The following UGT1A7 variants were observed in gnomAD, a reference collection of about 807,000 sequenced individuals.
UGT1A7 encodes the protein UDP-glucuronosyltransferase 1A7.
Under a neutral mutation model 45.6 loss-of-function variants are expected in UGT1A7, and 33 were observed. The ratio of observed to expected loss-of-function variants is 0.72; its 90% CI spans 0.55 to 0.97. The LOEUF is 0.97. Ranked by LOEUF, UGT1A7 falls within the 50% of genes least tolerant of loss-of-function variation. The pLI is 0.00. For missense variants in UGT1A7, 684 were observed against 666.2 expected (o/e 1.03, Z -0.29); for synonymous variants, 274 against 250.6 (o/e 1.09, Z -0.88).
chr2:233,767,223 A>G (rs1699340574), intron 2 of UGT1A7, 58 bp downstream of exon 2: 3 of 1,610,856 alleles, frequency 1.9e-6, no homozygotes, highest in South Asian at 1.1e-5. Flanking sequence ...CTAATCCCAG[A>G]CTTCCAGCTT....
intron 1 of UGT1A7, among the ~76,000 whole-genome samples, chr2:233,724,462 A>G (rs2077262271): frequency 8.2e-6 from 1 of 121,344 alleles, no homozygotes; most frequent in Admixed American, 8.0e-5. Flanking sequence ...TGCCGGGCGG[A>G]GGGGCTCCTC....
chr2:233,719,383 C>G (rs778111484), intron 1 of UGT1A7: 11 of 1,613,932 alleles, frequency 6.8e-6, no homozygotes, highest in Non-Finnish European at 9.3e-6. Flanking sequence ...ACACAGTGTC[C>G]AAATCCTTCC....
At chr2:233,707,832 A>G (rs1428523705) in intron 1 of UGT1A7, among the ~76,000 whole-genome samples, 2 of 152,200 alleles carry the variant, frequency 1.3e-5, no homozygotes, top group African/African-American at 2.4e-5. Context: ...TTAATTTAAT[A>G]AGATGTAACT....
At chr2:233,691,200 C>T (rs902626120) in intron 1 of UGT1A7, 11 of 985,544 alleles carry the variant, frequency 1.1e-5, no homozygotes, top group Non-Finnish European at 1.3e-5. Flanking sequence ...GACCTGAGCT[C>T]TGTTCCCTTT....
intron 1 of UGT1A7, among the ~76,000 whole-genome samples, chr2:233,700,609 TG>T (rs34100835): frequency 2.6e-5 from 4 of 152,150 alleles, no homozygotes; most frequent in Non-Finnish European, 5.9e-5. Context: ...ACTCTTTTTT[TG>T]GGGGGGTTCC....
chr2:233,763,704 GA>G lies in UGT1A7; in HGVS notation c.856-3328del, dbSNP rs779879703. On this transcript the variant is annotated intron_variant, in intron 1 of 4. Transcript: ENST00000373426. ...AAAGATAAAACTTTTATTGCACAAA[GA>G]AGTCCATAGAGAAAGCACAACCTGG... Among the ~76,000 whole-genome samples the G allele has an allele frequency of 3.9e-5, 6 of 152,288 alleles. No individual in the cohort carries two copies. The South Asian group carries it at 1.2e-3, about 32-fold the overall frequency.
chr2:233,715,252 A>C (rs74669452), intron 1 of UGT1A7, among the ~76,000 whole-genome samples: 1,791 of 152,300 alleles, frequency 0.012, 19 homozygotes, highest in South Asian at 0.027. Flanking sequence ...GTCTTTTAAA[A>C]AATCCCCTTA....
In UGT1A7 at chr2:233,773,093, G is replaced by A; in HGVS notation, c.*534G>A. 6.2e-6 allele frequency: 1 copy of A among 160,484 alleles called. No homozygotes were observed. Among genetic ancestry groups the A allele is most frequent in the East Asian group, 1.7e-4 (1 of 5,844 alleles). The allele number at this position is 160,484 out of a possible 1,614,324, so 9.9% of individuals were successfully genotyped here. A position where few individuals can be genotyped will look rare whatever the true frequency, so the allele number is the denominator to read the frequency against. Reference sequence around the variant, plus strand: ...GAATGAATGGCTTGGAGTGCACTGAGAACAGCATATGATTTCTTGCTTTGG... The same window carrying A: ...GAATGAATGGCTTGGAGTGCACTGAAAACAGCATATGATTTCTTGCTTTGG... On this transcript the variant is annotated 3_prime_UTR_variant, in exon 5 of 5. Transcript: ENST00000373426.
At chr2:233,743,095 G>C (rs1692201542) in intron 1 of UGT1A7, 3 of 349,024 alleles carry the variant, frequency 8.6e-6, no homozygotes, top group African/African-American at 6.5e-5. Flanking sequence ...ATAAATTCTT[G>C]GGTACAGCTG....
intron 1 of UGT1A7, among the ~76,000 whole-genome samples, chr2:233,684,812 A>G (rs1054910141): frequency 6.6e-6 from 1 of 152,200 alleles, no homozygotes; most frequent in Admixed American, 6.5e-5. Context: ...TCAACCACAA[A>G]AGTAAATTGT....
chr2:233,743,340 A>AGTCGAC, intron 1 of UGT1A7: 1 of 778,214 alleles, frequency 1.3e-6, no homozygotes, highest in Non-Finnish European at 2.0e-6. Flanking sequence ...TTTCAGTGGA[A>AGTCGAC]GTCGACATGG....
At chr2:233,724,342 C>T (rs1220787897) in intron 1 of UGT1A7, among the ~76,000 whole-genome samples, 6 of 135,502 alleles carry the variant, frequency 4.4e-5, no homozygotes, top group Non-Finnish European at 8.0e-5. Flanking sequence ...GGGGGCTGAC[C>T]CCCCCCACCT....
intron 1 of UGT1A7, among the ~76,000 whole-genome samples, chr2:233,760,004 A>G (rs1697302035): frequency 6.6e-6 from 1 of 152,168 alleles, no homozygotes; most frequent in South Asian, 2.1e-4. Flanking sequence ...TGGAAATACT[A>G]ATTTAATGGA....
chr2:233,769,857 C>CAAAA lies in UGT1A7; in HGVS notation c.1295+1432_1295+1435dup. The CAAAA allele has an allele frequency of 4.0e-5, 9 of 223,646 alleles. No individual in the cohort carries two copies. The highest frequency in any genetic ancestry group is 1.1e-4 in the South Asian group (1 of 9,102). The allele number at this position is 223,646 out of a possible 1,614,324, so 13.9% of individuals were successfully genotyped here. On this transcript the variant is annotated intron_variant, in intron 4 of 4. Coordinates refer to ENST00000373426, the MANE Select transcript of UGT1A7 (RefSeq NM_019077.3). The surrounding 1 kb of genome is among the most constrained non-coding windows in gnomAD (Gnocchi z 4.4). ...TGGGCAACAGAGTGAGACCCTGTCTCAAAAAAAAAAAAAAAAATGAAAAGT... is the reference window on the plus strand; with the variant it reads ...TGGGCAACAGAGTGAGACCCTGTCTCAAAAAAAAAAAAAAAAAAAAATGAAAAGT...
intron 1 of UGT1A7, among the ~76,000 whole-genome samples, chr2:233,714,080 A>G (rs1575505988): frequency 6.6e-6 from 1 of 152,026 alleles, no homozygotes; most frequent in Admixed American, 6.6e-5. Flanking sequence ...AGGGACGAGG[A>G]TCTGTCAAAG....
intron 1 of UGT1A7, among the ~76,000 whole-genome samples, chr2:233,731,698 G>C (rs2078194443): frequency 6.6e-6 from 1 of 152,202 alleles, no homozygotes; most frequent in South Asian, 2.1e-4. Context: ...TGGACATTTG[G>C]ATTGGTTCCA....
At chr2:233,719,052 A>C (rs200903552) in intron 1 of UGT1A7, 5 of 1,614,270 alleles carry the variant, frequency 3.1e-6, no homozygotes, top group Non-Finnish European at 4.2e-6. Context: ...TTTCACCCTG[A>C]CAGCCTATGC....
At chr2:233,737,053 G>A (rs2078838819) in intron 1 of UGT1A7, among the ~76,000 whole-genome samples, 1 of 152,218 alleles carries the variant, frequency 6.6e-6, no homozygotes, top group Non-Finnish European at 1.5e-5. Context: ...CATACTAGGA[G>A]AACGAGTGCT....
At chr2:233,698,319 G>C (rs1406840673) in intron 1 of UGT1A7, among the ~76,000 whole-genome samples, 1 of 152,196 alleles carries the variant, frequency 6.6e-6, no homozygotes, top group African/African-American at 2.4e-5. Flanking sequence ...GAAATGTCTG[G>C]AACCAGATAG....
Sources: allele counts gnomAD v4.1 joint callset (sites outside exome capture counted in the v4.1 genomes callset), GRCh38; gene constraint gnomAD v4.1.1; non-coding constraint Gnocchi (gnomAD v3.1); transcripts MANE v1.5; gene names NCBI Gene and HGNC (gene_info 2026-07-23, HGNC 2026-07-21).